The following MBD5 variants were observed in gnomAD, a reference collection of about 807,000 sequenced individuals.
The protein encoded by MBD5 is methyl-CpG-binding domain protein 5.
In MBD5, 13 loss-of-function variants were observed where a neutral mutation model predicts 117.3. The ratio of observed to expected loss-of-function variants is 0.11; its 90% CI spans 0.07 to 0.18. The LOEUF is 0.18. Ranked by LOEUF, MBD5 falls within the 10% of genes least tolerant of loss-of-function variation. MBD5 has a pLI of 1.00. For synonymous variants in MBD5, 727 were observed against 766.4 expected (o/e 0.95, Z 0.85); for missense variants, 1,879 against 2,093.8 (o/e 0.90, Z 2.00).
chr2:148,298,195 A>T (rs1290990215), intron 3 of MBD5, among the ~76,000 whole-genome samples: 1 of 152,342 alleles, frequency 6.6e-6, no homozygotes, highest in Middle Eastern at 3.4e-3. Context: ...GTCTTGGTGC[A>T]GAAAGGGAAC....
At chr2:148,104,334 T>A (rs963487273) in intron 1 of MBD5, among the ~76,000 whole-genome samples, 1 of 152,130 alleles carries the variant, frequency 6.6e-6, no homozygotes, top group Non-Finnish European at 1.5e-5. Context: ...ATGAATAGAT[T>A]TACAGGTATT....
chr2:148,229,881 C>G (rs1699939062), intron 2 of MBD5, among the ~76,000 whole-genome samples: 2 of 152,144 alleles, frequency 1.3e-5, no homozygotes, highest in African/African-American at 4.8e-5. Flanking sequence ...CCACCCCACC[C>G]CCATCTCTGT....
intron 11 of MBD5, among the ~76,000 whole-genome samples, chr2:148,493,546 G>A (rs1681594800): frequency 6.6e-6 from 1 of 152,146 alleles, no homozygotes; most frequent in African/African-American, 2.4e-5. Context: ...CTATTTTTAG[G>A]TTGCGTGAAT....
At chr2:148,110,188 G>T in intron 1 of MBD5, among the ~76,000 whole-genome samples, 1 of 152,222 alleles carries the variant, frequency 6.6e-6, no homozygotes. Context: ...GATATTATTA[G>T]CCTCTTATTA....
At chr2:148,123,075 CCTAT>C (rs1425223283) in intron 1 of MBD5, among the ~76,000 whole-genome samples, 2 of 152,142 alleles carry the variant, frequency 1.3e-5, no homozygotes, top group Non-Finnish European at 2.9e-5. Flanking sequence ...TGCTGCTCTT[CCTAT>C]CTTTTACCTC....
chr2:148,327,292 G>A (rs1413849161), intron 3 of MBD5, among the ~76,000 whole-genome samples: 2 of 151,924 alleles, frequency 1.3e-5, no homozygotes, highest in Non-Finnish European at 2.9e-5. Flanking sequence ...TTTCAACTTT[G>A]ATGAATCTGA....
chr2:148,444,105 C>A (rs958677132), intron 4 of MBD5, among the ~76,000 whole-genome samples: 1 of 142,836 alleles, frequency 7.0e-6, no homozygotes, highest in African/African-American at 2.8e-5. Flanking sequence ...GTGTTCAGTG[C>A]AGTTCCTGGA....
At chr2:148,349,022 A>G (rs1703187898) in intron 4 of MBD5, among the ~76,000 whole-genome samples, 1 of 151,970 alleles carries the variant, frequency 6.6e-6, no homozygotes, top group Non-Finnish European at 1.5e-5. Flanking sequence ...TCCAAGCCCT[A>G]TATTTTTGCT....
chr2:148,188,909 G>A (rs1374421474), intron 2 of MBD5, among the ~76,000 whole-genome samples: 6 of 151,676 alleles, frequency 4.0e-5, no homozygotes, highest in Admixed American at 1.3e-4. Flanking sequence ...CGCACCGTGC[G>A]CGAGCCGAAG....
intron 1 of MBD5, among the ~76,000 whole-genome samples, chr2:148,121,859 G>C (rs1377973118): frequency 2.0e-5 from 3 of 151,930 alleles, no homozygotes; most frequent in Non-Finnish European, 2.9e-5. Flanking sequence ...AATTCCTTTG[G>C]ATATAAGTTA....
At chr2:148,414,162 T>C (rs1376777571) in intron 4 of MBD5, among the ~76,000 whole-genome samples, 2 of 152,154 alleles carry the variant, frequency 1.3e-5, no homozygotes, top group East Asian at 1.9e-4. Flanking sequence ...TTCTGGTATG[T>C]TGTATGTTTG....
chr2:148,437,382 T>C (rs1407732964), intron 4 of MBD5, among the ~76,000 whole-genome samples: 1 of 152,184 alleles, frequency 6.6e-6, no homozygotes, highest in Non-Finnish European at 1.5e-5. Context: ...TGCTGCAGCA[T>C]ATGTATGCCT....
intron 1 of MBD5, among the ~76,000 whole-genome samples, chr2:148,134,884 C>G (rs1697137614): frequency 6.6e-6 from 1 of 152,124 alleles, no homozygotes; most frequent in African/African-American, 2.4e-5. Context: ...TATTCTGATT[C>G]ATATGTTGTT....
At chr2:148,249,941 T>A (rs1366239353) in intron 3 of MBD5, among the ~76,000 whole-genome samples, 1 of 152,186 alleles carries the variant, frequency 6.6e-6, no homozygotes, top group African/African-American at 2.4e-5. Flanking sequence ...AAGTATTATA[T>A]AAAATGTAAA....
In MBD5 at chr2:148,469,051, A is replaced by T. The variant is rs1431773773; in HGVS notation, c.1108A>T (p.Asn370Tyr). 1 of 1,613,908 alleles carries T rather than the reference A, an allele frequency of 6.2e-7. No individual in the cohort carries two copies. The highest frequency in any genetic ancestry group is 1.3e-5 in the African/African-American group (1 of 74,886). Residue 370 changes from asparagine to tyrosine, a missense_variant, in exon 8 of 14, where the codon AAT becomes TAT. Coordinates refer to ENST00000642680, the MANE Select transcript of MBD5 (RefSeq NM_001378120.1). ...TGACCCTATTCCTAGTAAACCAGTG[A>T]ATCAGAACCCTGTTATCATTAATCC... ...ILDPIPSKPV[N>Y]QNPVIINPTS...
chr2:148,418,086 C>A (rs1705479437), intron 4 of MBD5, among the ~76,000 whole-genome samples: 1 of 152,080 alleles, frequency 6.6e-6, no homozygotes. Flanking sequence ...GCAATACCCC[C>A]ATTTCAGCCT....
At chr2:148,418,787 G>A (rs1705503926) in intron 4 of MBD5, among the ~76,000 whole-genome samples, 1 of 151,956 alleles carries the variant, frequency 6.6e-6, no homozygotes, top group Non-Finnish European at 1.5e-5. Context: ...TCATGAAAAT[G>A]ACCATAGTGC....
chr2:148,103,780 T>C (rs983075410), intron 1 of MBD5, among the ~76,000 whole-genome samples: 13 of 152,332 alleles, frequency 8.5e-5, no homozygotes, highest in African/African-American at 3.1e-4. Context: ...TCTGAAGTTT[T>C]ATTTCAAATT....
intron 10 of MBD5, among the ~76,000 whole-genome samples, chr2:148,486,577 A>G (rs189902499): frequency 1.3e-5 from 2 of 152,330 alleles, no homozygotes; most frequent in Admixed American, 6.5e-5. Flanking sequence ...CTGGCAGAAA[A>G]TATTTTCCTA....
Sources: gnomAD v4.1 joint callset for allele counts (sites outside exome capture counted in the v4.1 genomes callset) on GRCh38, gnomAD v4.1.1 for gene constraint, MANE v1.5 for transcripts, NCBI Gene and HGNC (gene_info 2026-07-23, HGNC 2026-07-21) for gene names.